The following HSD11B1 variants were observed in gnomAD, a reference collection of about 807,000 sequenced individuals.
The protein encoded by HSD11B1 is hydroxysteroid 11-beta dehydrogenase 1.
In HSD11B1, 15 loss-of-function variants were observed where a neutral mutation model predicts 22.1. That is an observed-to-expected ratio of 0.68 (90% confidence interval 0.45 to 1.04). HSD11B1 has a LOEUF of 1.04. HSD11B1 is among the 50% of genes least tolerant of loss of function. The pLI is 0.00. For missense variants in HSD11B1, 281 were observed against 357.6 expected, an observed-to-expected ratio of 0.79 and a Z score of 1.73; for synonymous variants, 122 against 125.2, an observed-to-expected ratio of 0.97 and a Z score of 0.17.
rs546099570 is a variant in HSD11B1, at chr1:209,715,296, T to C, written c.517+8168T>C. 6.6e-5 allele frequency among the ~76,000 whole-genome samples: 10 copies of C among 152,246 alleles called. No homozygotes were observed. In the South Asian group the frequency reaches 1.9e-3, roughly 28 times the overall value. ...GTTGTTTAATACACAAGGACAGATA[T>C]ATAAATATAGATGTGTGTCTACATA... On this transcript the variant is annotated intron_variant, in intron 4 of 5. Transcript: ENST00000367027.
At chr1:209,714,880 A>T (rs1450357721) in intron 4 of HSD11B1, among the ~76,000 whole-genome samples, 1 of 152,146 alleles carries the variant, frequency 6.6e-6, no homozygotes, top group Admixed American at 6.6e-5. Flanking sequence ...GCATCCTCAC[A>T]TGGGGCAGCA....
At chr1:209,693,037 G>A (rs569980780) in intron 1 of HSD11B1, among the ~76,000 whole-genome samples, 40 of 152,158 alleles carry the variant, frequency 2.6e-4, no homozygotes, top group African/African-American at 9.4e-4. Flanking sequence ...GACTGCTGAC[G>A]GCATTGCCAG....
chr1:209,698,547 G>A (rs923147376), intron 1 of HSD11B1, among the ~76,000 whole-genome samples: 1 of 152,186 alleles, frequency 6.6e-6, no homozygotes, highest in East Asian at 1.9e-4. Flanking sequence ...TCAGCTGTGT[G>A]GGGCTCTCCC....
Position 209,706,002 on chromosome 1 carries a change from T to G in HSD11B1, c.219+61T>G. The stretch of plus-strand genomic sequence containing the variant: ...ACATGCTCAGATGTGTTCTTATATA[T>G]GCTCACATATACACAGAAGCTAGCA... On this transcript the variant is annotated intron_variant, in intron 2 of 5. Transcript: ENST00000367027. This position sits in a 1 kb window ranked among gnomAD's most constrained non-coding sequence, Gnocchi z 4.0. 1.3e-6 allele frequency: 2 copies of G among 1,598,632 alleles called. No homozygotes were observed. The highest frequency in any genetic ancestry group is 1.4e-5 in the African/African-American group (1 of 72,756).
In HSD11B1 at chr1:209,706,783, C is replaced by T. The variant is rs746592856; in HGVS notation, c.294C>T (p.Phe98=). The change falls in exon 3 of 6, where the codon TTC becomes TTT. Residue 98 remains phenylalanine (F), a synonymous_variant. Coordinates refer to ENST00000367027, the MANE Select transcript of HSD11B1 (RefSeq NM_005525.4). The surrounding 1 kb of genome is among the most constrained non-coding windows in gnomAD (Gnocchi z 4.0). The stretch of plus-strand genomic sequence containing the variant: ...CTGGCACCATGGAAGACATGACCTT[C>T]GCAGAGCAATTTGTTGCCCAAGCAG... ...YIAGTMEDMT[F]AEQFVAQAGK... The T allele has an allele frequency of 9.3e-6, 15 of 1,614,000 alleles. No individual in the cohort carries two copies. The highest frequency in any genetic ancestry group is 2.2e-5 in the South Asian group (2 of 91,086).
chr1:209,702,917 G>T (rs2076834039), upstream of HSD11B1, among the ~76,000 whole-genome samples: 1 of 152,058 alleles, frequency 6.6e-6, no homozygotes, highest in South Asian at 2.1e-4. Context: ...TCACTTTATT[G>T]GATGCTTTTG....
At chr1:209,722,603 G>C (rs935830816) in intron 4 of HSD11B1, among the ~76,000 whole-genome samples, 1 of 152,190 alleles carries the variant, frequency 6.6e-6, no homozygotes, top group East Asian at 1.9e-4. Context: ...TATCTTGAGA[G>C]CCCAACTCAA....
upstream of HSD11B1, among the ~76,000 whole-genome samples, chr1:209,700,264 G>T (rs2076818690): frequency 6.6e-6 from 1 of 152,216 alleles, no homozygotes; most frequent in Non-Finnish European, 1.5e-5. Flanking sequence ...GGGCATCCAG[G>T]CATTTCCATA....
intron 4 of HSD11B1, among the ~76,000 whole-genome samples, chr1:209,707,740 A>G (rs1339325899): frequency 2.0e-5 from 3 of 152,190 alleles, no homozygotes; most frequent in Non-Finnish European, 2.9e-5. Flanking sequence ...TGCTGGAGGT[A>G]CAGCTTGTCC....
At chr1:209,694,070 G>A (rs1369790506) in intron 1 of HSD11B1, among the ~76,000 whole-genome samples, 3 of 152,100 alleles carry the variant, frequency 2.0e-5, no homozygotes, top group Non-Finnish European at 2.9e-5. Flanking sequence ...CCTCAAACAT[G>A]AGTGTAAGAT....
chr1:209,688,398 C>T (rs2076740362), intron 1 of HSD11B1, among the ~76,000 whole-genome samples: 1 of 152,160 alleles, frequency 6.6e-6, no homozygotes, highest in South Asian at 2.1e-4. Context: ...ATACATCACG[C>T]TATGGTGAGC....
intron 4 of HSD11B1, among the ~76,000 whole-genome samples, chr1:209,725,095 A>G (rs897409084): frequency 6.6e-6 from 1 of 152,204 alleles, no homozygotes; most frequent in Admixed American, 6.5e-5. Context: ...GAACTTTCCA[A>G]TATTTTAGTG....
At chr1:209,717,098 C>G (rs780205186) in intron 4 of HSD11B1, among the ~76,000 whole-genome samples, 1 of 152,118 alleles carries the variant, frequency 6.6e-6, no homozygotes, top group Non-Finnish European at 1.5e-5. Flanking sequence ...AGGAAACAAT[C>G]AACAGAGTGA....
intron 5 of HSD11B1, among the ~76,000 whole-genome samples, chr1:209,733,871 T>C (rs1395640640): frequency 1.3e-5 from 2 of 152,116 alleles, no homozygotes; most frequent in Non-Finnish European, 2.9e-5. Flanking sequence ...CCTGTATTCT[T>C]GTGTATCTCT....
chr1:209,720,243 T>C (rs1203755654), intron 4 of HSD11B1, among the ~76,000 whole-genome samples: 1 of 152,166 alleles, frequency 6.6e-6, no homozygotes, highest in African/African-American at 2.4e-5. Context: ...ACATCACCAG[T>C]AATGGAATAA....
intron 4 of HSD11B1, among the ~76,000 whole-genome samples, chr1:209,712,909 C>T (rs1188560414): frequency 2.0e-5 from 3 of 151,972 alleles, no homozygotes; most frequent in African/African-American, 7.3e-5. Context: ...ATTAGCCGGG[C>T]GAGGTGGTGG....
chr1:209,708,104 G>T (rs2076872054), intron 4 of HSD11B1, among the ~76,000 whole-genome samples: 1 of 152,154 alleles, frequency 6.6e-6, no homozygotes, highest in South Asian at 2.1e-4. Context: ...TCTGGATGGT[G>T]GTAGCATCAG....
rs71143893 is a variant in HSD11B1 at position 209,709,937 on chromosome 1, A to AACACACACACACACAC, written c.517+2831_517+2846dup. ...ACCCTCCAGGCCATCCCACATGTGA[A>AACACACACACACACAC]ACACACACACACACACACACACACA... is the stretch of plus-strand genomic sequence containing the variant. On this transcript the variant is annotated intron_variant, in intron 4 of 5. Coordinates refer to ENST00000367027, the MANE Select transcript of HSD11B1 (RefSeq NM_005525.4). Among the ~76,000 whole-genome samples the AACACACACACACACAC allele has an allele frequency of 6.1e-3, 879 of 143,864 alleles. 6 individuals carry two copies. The highest frequency in any genetic ancestry group is 0.046 in the East Asian group (219 of 4,812). The allele number at this position is 143,864 out of a possible 152,430, so 94.4% of individuals were successfully genotyped here.
chr1:209,714,817 G>T (rs963699005), intron 4 of HSD11B1, among the ~76,000 whole-genome samples: 2 of 152,222 alleles, frequency 1.3e-5, no homozygotes, highest in Admixed American at 6.5e-5. Flanking sequence ...GATGGGACAG[G>T]TTTGTGTCAC....
Sources: gnomAD v4.1 joint callset for allele counts (sites outside exome capture counted in the v4.1 genomes callset) on GRCh38, gnomAD v4.1.1 for gene constraint, Gnocchi (gnomAD v3.1) non-coding constraint, MANE v1.5 for transcripts, NCBI Gene and HGNC (gene_info 2026-07-23, HGNC 2026-07-21) for gene names.